VAV3: variants seen among roughly 807,000 people sequenced by gnomAD.
VAV3 encodes the protein vav guanine nucleotide exchange factor 3.
In VAV3, 94 loss-of-function variants were observed where a neutral mutation model predicts 131.2. That is an observed-to-expected ratio of 0.72 (90% CI 0.61 to 0.85). VAV3 has a LOEUF of 0.85. Among genes scored for constraint, VAV3 ranks in the 40% least tolerant of loss-of-function variants. The pLI is 0.00. For synonymous variants in VAV3, 349 were observed against 342.0 expected (o/e 1.02, Z -0.22); for missense variants, 939 against 1,002.7 (o/e 0.94, Z 0.86).
At chr1:107,690,819 T>C (rs531709182) in intron 17 of VAV3, among the ~76,000 whole-genome samples, 48 of 152,252 alleles carry the variant, frequency 3.2e-4, no homozygotes, top group African/African-American at 1.1e-3. Context: ...TCCCTTCCTG[T>C]CCTCATGGCC....
intron 1 of VAV3, among the ~76,000 whole-genome samples, chr1:107,955,808 A>G (rs1450846430): frequency 3.3e-5 from 5 of 152,224 alleles, no homozygotes; most frequent in Admixed American, 1.3e-4. Context: ...GAGCTCTTGC[A>G]TACTAAGGAG....
intron 2 of VAV3, among the ~76,000 whole-genome samples, chr1:107,819,707 TAC>T (rs916410060): frequency 5.3e-5 from 8 of 152,268 alleles, no homozygotes; most frequent in Non-Finnish European, 1.0e-4. Flanking sequence ...TAAAAATATA[TAC>T]ACCGCCAAAT....
At chr1:107,826,721 G>A (rs1668030994) in intron 2 of VAV3, among the ~76,000 whole-genome samples, 1 of 152,116 alleles carries the variant, frequency 6.6e-6, no homozygotes, top group African/African-American at 2.4e-5. Context: ...TCTCACAAAA[G>A]GCCCTGTTAC....
intron 2 of VAV3, among the ~76,000 whole-genome samples, chr1:107,863,602 G>A (rs919207929): frequency 6.6e-6 from 1 of 152,160 alleles, no homozygotes; most frequent in Non-Finnish European, 1.5e-5. Flanking sequence ...GACTATCAGC[G>A]AAATCCAAAA....
chr1:107,900,543 T>C (rs1571114807), intron 1 of VAV3, among the ~76,000 whole-genome samples: 1 of 152,144 alleles, frequency 6.6e-6, no homozygotes, highest in Non-Finnish European at 1.5e-5. Flanking sequence ...CCATATTCAA[T>C]CCACTAAATC....
Position 107,689,713 on chromosome 1 carries a change from G to A in VAV3, c.1706-1307C>T, listed in dbSNP as rs372118352. Among the ~76,000 whole-genome samples, 19 of 152,238 alleles carry A rather than the reference G, an allele frequency of 1.2e-4. No individual in the cohort carries two copies. In the South Asian group the frequency reaches 3.9e-3, roughly 32 times the overall value. On this transcript the variant is annotated intron_variant, in intron 17 of 26. Coordinates refer to ENST00000370056, the MANE Select transcript of VAV3 (RefSeq NM_006113.5). ...CCCTGAAATCAACCTTTACAAAGGA[G>A]TATTCCTGGACAAAAAGTTACTTCA...
intron 1 of VAV3, among the ~76,000 whole-genome samples, chr1:107,953,621 G>C (rs547468304): frequency 6.6e-6 from 1 of 152,282 alleles, no homozygotes. Context: ...GAGGCAAAGA[G>C]AAGGAAACAT....
Position 107,594,730 on chromosome 1 carries a change from T to C in VAV3, c.2350+1482A>G, listed in dbSNP as rs554949762. Among the ~76,000 whole-genome samples the C allele has an allele frequency of 3.3e-5, 5 of 152,240 alleles. No individual in the cohort carries two copies. In the South Asian group the frequency reaches 1.0e-3, roughly 32 times the overall value. On this transcript the variant is annotated intron_variant, in intron 25 of 26. Coordinates refer to ENST00000370056, the MANE Select transcript of VAV3 (RefSeq NM_006113.5). ...GCTACATTCTCTGAGTACCTCCATG[T>C]ACTAAACACTAAGGAATTGGCTGGG...
At position 107,919,477 on chromosome 1, in the gene VAV3, C is replaced by T. The variant is rs141749083; in HGVS notation, c.205-44460G>A. On this transcript the variant is annotated intron_variant, in intron 1 of 26. Transcript: ENST00000370056. ...AAACCCTGGATAAATCAGACAAGTA[C>T]AAAAAGTCTAAGAATTTATCTTCTA... 5.2e-3 allele frequency among the ~76,000 whole-genome samples: 795 copies of T among 152,178 alleles called. 7 individuals are homozygous for T. Among genetic ancestry groups the T allele is most frequent in the Non-Finnish European group, 8.6e-3 (588 of 67,984 alleles).
chr1:107,821,357 T>C (rs1026689337), intron 2 of VAV3, among the ~76,000 whole-genome samples: 1 of 152,188 alleles, frequency 6.6e-6, no homozygotes, highest in African/African-American at 2.4e-5. Context: ...AACAAAGATA[T>C]AAAACAATTA....
chr1:107,580,217 C>T (rs1649942113), intron 25 of VAV3, among the ~76,000 whole-genome samples: 1 of 152,192 alleles, frequency 6.6e-6, no homozygotes, highest in African/African-American at 2.4e-5. Context: ...ACAAGTATCT[C>T]GGCAGGGTAT....
At chr1:107,673,555 C>T (rs1657973587) in intron 19 of VAV3, 1 of 152,202 alleles carries the variant, frequency 6.6e-6, no homozygotes, top group Admixed American at 6.5e-5. Flanking sequence ...TAAGTATACC[C>T]TCTGTATCTC....
At chr1:107,626,935 T>C (rs1654062981) in intron 20 of VAV3, among the ~76,000 whole-genome samples, 2 of 152,184 alleles carry the variant, frequency 1.3e-5, no homozygotes, top group East Asian at 3.9e-4. Context: ...GGAAGAAAAA[T>C]ACACAGCTTT....
intron 12 of VAV3, among the ~76,000 whole-genome samples, chr1:107,752,026 T>C (rs1663759439): frequency 6.6e-6 from 1 of 152,234 alleles, no homozygotes; most frequent in African/African-American, 2.4e-5. Flanking sequence ...GGATTCTGAA[T>C]AGTCAAAACA....
chr1:107,926,876 G>A (rs1364713056), intron 1 of VAV3, among the ~76,000 whole-genome samples: 1 of 152,134 alleles, frequency 6.6e-6, no homozygotes, highest in Non-Finnish European at 1.5e-5. Context: ...TAGACCACAG[G>A]GATTGCAACT....
chr1:107,667,714 T>C (rs904991583), intron 19 of VAV3, among the ~76,000 whole-genome samples: 4 of 152,122 alleles, frequency 2.6e-5, no homozygotes, highest in Non-Finnish European at 4.4e-5. Context: ...AATGAAGACA[T>C]TAAGGGAAAA....
At chr1:107,875,064 T>G (rs1181544589) in intron 1 of VAV3, 47 bp from the exon 2 acceptor site, 1 of 1,477,334 alleles carries the variant, frequency 6.8e-7, no homozygotes. Context: ...TTATTCTGAA[T>G]GCTATCCACC....
At chr1:107,793,844 G>T (rs1023160004) in intron 2 of VAV3, among the ~76,000 whole-genome samples, 1 of 152,208 alleles carries the variant, frequency 6.6e-6, no homozygotes, top group South Asian at 2.1e-4. Context: ...AATAGCCTAA[G>T]CTCTGAATTG....
At chr1:107,677,234 ATAAAT>A (rs1237137288) in intron 19 of VAV3, among the ~76,000 whole-genome samples, 2 of 152,214 alleles carry the variant, frequency 1.3e-5, no homozygotes, top group African/African-American at 2.4e-5. Context: ...AAATAAGATC[ATAAAT>A]TATATTAAGA....
Sources: gnomAD v4.1 joint callset for allele counts (sites outside exome capture counted in the v4.1 genomes callset) on GRCh38, gnomAD v4.1.1 for gene constraint, MANE v1.5 for transcripts, NCBI Gene and HGNC (gene_info 2026-07-23, HGNC 2026-07-21) for gene names.